Variants in EBF1 observed in about 807,000 individuals in gnomAD.
EBF1 encodes the protein transcription factor COE1.
EBF1 carries 10 observed loss-of-function variants against 68.4 expected under a neutral mutation model. The observed-to-expected ratio is 0.15, with a 90% CI of 0.09 to 0.25. The LOEUF (loss-of-function observed/expected upper bound fraction) is 0.25. Ranked by LOEUF, EBF1 falls within the 10% of genes least tolerant of loss-of-function variation. EBF1 has a pLI of 1.00. For missense variants in EBF1, 509 were observed against 794.4 expected (o/e 0.64, Z 4.32); for synonymous variants, 298 against 299.8 (o/e 0.99, Z 0.06).
In EBF1 at chr5:159,073,432, C is replaced by T. The variant is rs764404398; in HGVS notation, c.518G>A (p.Arg173Gln). ...RCCDKKSCGN[R>Q]NETPSDPVII... Reference sequence around the variant, plus strand: ...CACTGGATCTGAGGGAGTCTCATTTCGGTTGCCACAGCTTTTCTTGTCACA... The same window carrying T: ...CACTGGATCTGAGGGAGTCTCATTTTGGTTGCCACAGCTTTTCTTGTCACA... The change falls in exon 6 of 16, where the codon CGA becomes CAA. Residue 173 changes from arginine to glutamine, a missense_variant. Arg to Gln is a conservative substitution (Grantham distance 43). Transcript: ENST00000313708. The T allele has an allele frequency of 4.3e-6, 7 of 1,613,984 alleles. No individual in the cohort carries two copies. The highest frequency in any genetic ancestry group is 5.9e-6 in the Non-Finnish European group (7 of 1,179,974).
intron 6 of EBF1, among the ~76,000 whole-genome samples, chr5:158,883,313 T>C (rs1268782465): frequency 1.3e-5 from 2 of 150,572 alleles, no homozygotes; most frequent in Non-Finnish European, 3.0e-5. Flanking sequence ...TATACATACA[T>C]ACATGTGTAT....
chr5:158,958,654 T>TA (rs1817595216), intron 6 of EBF1, among the ~76,000 whole-genome samples: 1 of 152,124 alleles, frequency 6.6e-6, no homozygotes, highest in South Asian at 2.1e-4. Flanking sequence ...CAGGTTAATA[T>TA]ACACATCCCA....
At chr5:158,743,471 T>G (rs1369688163) in intron 10 of EBF1, among the ~76,000 whole-genome samples, 1 of 152,186 alleles carries the variant, frequency 6.6e-6, no homozygotes, top group Admixed American at 6.5e-5. Context: ...AGGAGTCATT[T>G]AAGATTTTCC....
At chr5:158,779,624 G>A (rs370811467) in intron 9 of EBF1, among the ~76,000 whole-genome samples, 3 of 152,242 alleles carry the variant, frequency 2.0e-5, no homozygotes, top group East Asian at 1.9e-4. Flanking sequence ...CAATAATACT[G>A]ATAAGAACTT....
chr5:159,047,998 G>A (rs1339300328), intron 6 of EBF1, among the ~76,000 whole-genome samples: 1 of 152,062 alleles, frequency 6.6e-6, no homozygotes, highest in African/African-American at 2.4e-5. Context: ...TGCATCACCT[G>A]GACCTTTCAG....
At chr5:158,787,597 T>C (rs762550569) in intron 9 of EBF1, among the ~76,000 whole-genome samples, 19 of 152,238 alleles carry the variant, frequency 1.2e-4, no homozygotes, top group Middle Eastern at 6.8e-3. Context: ...AGCTATGGAG[T>C]CAGGTGGACT....
intron 6 of EBF1, among the ~76,000 whole-genome samples, chr5:158,929,678 A>G (rs146467592): frequency 6.6e-6 from 1 of 152,340 alleles, no homozygotes; most frequent in East Asian, 1.9e-4. Context: ...GGCTTTAATT[A>G]TCACCAACCT....
intron 10 of EBF1, among the ~76,000 whole-genome samples, chr5:158,739,289 G>A (rs1416579968): frequency 2.0e-5 from 3 of 152,160 alleles, no homozygotes; most frequent in Admixed American, 6.5e-5. Context: ...GTCTAAAATG[G>A]GAAGTAGGTG....
chr5:158,859,398 C>T (rs779874679), intron 6 of EBF1, among the ~76,000 whole-genome samples: 2 of 152,122 alleles, frequency 1.3e-5, no homozygotes, highest in East Asian at 1.9e-4. Context: ...TTTTCCCATT[C>T]GGAGTTGATA....
At chr5:159,046,986 A>G (rs1263864827) in intron 6 of EBF1, among the ~76,000 whole-genome samples, 3 of 152,230 alleles carry the variant, frequency 2.0e-5, no homozygotes, top group South Asian at 4.1e-4. Context: ...CACAGCCACA[A>G]GCTACATTGC....
At chr5:159,072,451 A>G (rs933536283) in intron 6 of EBF1, among the ~76,000 whole-genome samples, 38 of 152,194 alleles carry the variant, frequency 2.5e-4, no homozygotes, top group African/African-American at 8.7e-4. Context: ...TCAAAAATCA[A>G]TATTGCTGAA....
intron 6 of EBF1, among the ~76,000 whole-genome samples, chr5:158,850,846 A>C (rs1056257812): frequency 3.3e-5 from 5 of 151,932 alleles, no homozygotes; most frequent in Admixed American, 1.3e-4. Flanking sequence ...GTCTCCACTA[A>C]AAATTTAAAA....
At chr5:158,786,070 A>G (rs1285096865) in intron 9 of EBF1, among the ~76,000 whole-genome samples, 1 of 152,180 alleles carries the variant, frequency 6.6e-6, no homozygotes, top group African/African-American at 2.4e-5. Flanking sequence ...TAAGATAAAG[A>G]TTCACTAAAG....
chr5:158,837,616 G>A (rs1466059848), intron 7 of EBF1, among the ~76,000 whole-genome samples: 1 of 152,090 alleles, frequency 6.6e-6, no homozygotes, highest in Non-Finnish European at 1.5e-5. Context: ...TAGAAGCTTT[G>A]TAGATGTTCT....
intron 10 of EBF1, among the ~76,000 whole-genome samples, chr5:158,765,594 T>A (rs1006833930): frequency 6.6e-6 from 1 of 152,216 alleles, no homozygotes; most frequent in South Asian, 2.1e-4. Context: ...CCACAGTTGA[T>A]GTTAACAGGA....
intron 10 of EBF1, among the ~76,000 whole-genome samples, chr5:158,754,749 C>A (rs1698052797): frequency 6.6e-6 from 1 of 152,060 alleles, no homozygotes; most frequent in African/African-American, 2.4e-5. Flanking sequence ...CCATCCTGAC[C>A]TGACAAAGAC....
At chr5:158,860,161 T>C (rs1794726662) in intron 6 of EBF1, among the ~76,000 whole-genome samples, 1 of 152,226 alleles carries the variant, frequency 6.6e-6, no homozygotes, top group Non-Finnish European at 1.5e-5. Context: ...AAAGTTACCA[T>C]TATTTGAGTG....
intron 6 of EBF1, among the ~76,000 whole-genome samples, chr5:159,025,239 G>T (rs1002071456): frequency 5.9e-5 from 9 of 152,182 alleles, no homozygotes; most frequent in Middle Eastern, 3.2e-3. Flanking sequence ...GACATCAGGT[G>T]CTAAGCTACC....
chr5:158,914,728 G>A (rs930372185), intron 6 of EBF1, among the ~76,000 whole-genome samples: 1 of 152,186 alleles, frequency 6.6e-6, no homozygotes, highest in Admixed American at 6.5e-5. Context: ...AGGAATAAAG[G>A]TAGAAGGATG....
Sources: allele counts gnomAD v4.1 joint callset (sites outside exome capture counted in the v4.1 genomes callset), GRCh38; gene constraint gnomAD v4.1.1; transcripts MANE v1.5; gene names NCBI Gene and HGNC (gene_info 2026-07-23, HGNC 2026-07-21).